Variants in LAMB2 observed in about 807,000 individuals in gnomAD.
LAMB2 encodes the protein laminin subunit beta-2.
Under a neutral mutation model 202.7 loss-of-function variants are expected in LAMB2, and 119 were observed. The ratio of observed to expected loss-of-function variants is 0.59; its 90% confidence interval spans 0.51 to 0.68. The LOEUF (loss-of-function observed/expected upper bound fraction) is 0.68. LAMB2 is among the 30% of genes least tolerant of loss of function. The probability of loss-of-function intolerance (pLI) is 0.00; values close to 1 mark genes in which losing one functional copy is unlikely to be tolerated. For missense variants in LAMB2, 2,124 were observed against 2,410.6 expected (o/e 0.88, Z 2.49); for synonymous variants, 818 against 902.2 (o/e 0.91, Z 1.67).
At position 49,132,483 on chromosome 3, in the gene LAMB2, A is replaced by T. The variant is rs747849098; in HGVS notation, c.249+8T>A. ...TGACTCGGCGTCACACCCTGTCCCC[A>T]GCCACACCTGCAGGTGACTGACGAT... On this transcript the variant is annotated splice_region_variant and intron_variant, in intron 2 of 31. Transcript: ENST00000305544. This position sits in a 1 kb window ranked among gnomAD's most constrained non-coding sequence, Gnocchi z 4.6. 16 of 1,613,928 alleles carry T rather than the reference A, an allele frequency of 9.9e-6. No individual in the cohort carries two copies. The highest frequency in any genetic ancestry group is 1.4e-5 in the Non-Finnish European group (16 of 1,180,010).
Position 49,126,426 on chromosome 3 carries a change from C to T in LAMB2, c.2090G>A (p.Arg697Gln), listed in dbSNP as rs764642268. 23 of 1,614,028 alleles carry T rather than the reference C, an allele frequency of 1.4e-5. No individual in the cohort carries two copies. Among genetic ancestry groups the T allele is most frequent in the Middle Eastern group, 1.6e-4 (1 of 6,084 alleles). Residue 697 changes from arginine (R) to glutamine (Q), a missense_variant, in exon 16 of 32, where the codon CGG (arginine) becomes CAG (glutamine). Coordinates refer to ENST00000305544, the MANE Select transcript of LAMB2 (RefSeq NM_002292.4). ...ISYKLHLKLV[R>Q]TGGSAQPETP... ...CTCAGGCTGGGCACTTCCCCCTGTCCGTACCAGCTTCAGATGCAGCTTGTA... is the reference window on the plus strand; with the variant it reads ...CTCAGGCTGGGCACTTCCCCCTGTCTGTACCAGCTTCAGATGCAGCTTGTA...
Position 49,131,934 on chromosome 3 carries a change from C to A in LAMB2, c.459+182G>T, listed in dbSNP as rs1280924156. 1.3e-5 allele frequency among the ~76,000 whole-genome samples: 2 copies of A among 152,198 alleles called. No homozygotes were observed. The highest frequency in any genetic ancestry group is 2.4e-5 in the African/African-American group (1 of 41,502). On this transcript the variant is annotated intron_variant, in intron 4 of 31. Transcript: ENST00000305544. The surrounding 1 kb of genome is among the most constrained non-coding windows in gnomAD (Gnocchi z 5.0). ...CTCAGGGAGACAGCGCCTGACCCAG[C>A]CTGGGATTGGAAAGGCAGAAGAGCA...
At position 49,129,745 on chromosome 3, in the gene LAMB2, TG is replaced by T; in HGVS notation, c.1406-30del. Reference sequence around the variant, plus strand: ...CAGGGAAGGAGAACCATCAGCACTTTGGGAAACTGTGGCAGTGCTCATGTTC... The same window carrying T: ...CAGGGAAGGAGAACCATCAGCACTTTGGAAACTGTGGCAGTGCTCATGTTC... On this transcript the variant is annotated intron_variant, in intron 10 of 31. Transcript: ENST00000305544. The surrounding 1 kb of genome is among the most constrained non-coding windows in gnomAD (Gnocchi z 6.1). 2 of 1,609,212 alleles carry T rather than the reference TG, an allele frequency of 1.2e-6. No individual in the cohort carries two copies. The highest frequency in any genetic ancestry group is 8.5e-7 in the Non-Finnish European group (1 of 1,175,666).
In LAMB2 at chr3:49,121,578, A is replaced by G. The variant is rs28612476; in HGVS notation, c.5115T>C (p.Pro1705=). ...AQEAEQLLRG[P]LGDQYQTVKA... is the part of the protein sequence containing the mutation. ...TCACCGTCTGGTACTGATCACCCAGAGGACCGCGTAGCAGCTGCAGATGTA... is the reference window on the plus strand; with the variant it reads ...TCACCGTCTGGTACTGATCACCCAGGGGACCGCGTAGCAGCTGCAGATGTA... The change falls in exon 31 of 32, where the codon CCT becomes CCC. Residue 1705 remains proline (P), a synonymous_variant. Coordinates refer to ENST00000305544, the MANE Select transcript of LAMB2 (RefSeq NM_002292.4). 1.1e-5 allele frequency: 17 copies of G among 1,613,856 alleles called. No homozygotes were observed. The Admixed American group carries it at 2.7e-4, about 25-fold the overall frequency.
Position 49,121,695 on chromosome 3 carries a change from C to A in LAMB2, c.5089G>T (p.Glu1697Ter), listed in dbSNP as rs750136830. Reference protein sequence around the residue: ...TAGSAQGRAQEAEQLLRGPLG... With the variant: ...TAGSAQGRAQ ...CTGCCTCAACCCACCTGCTCAGCCT[C>A]CTGGGCACGACCCTGGGCACTGCCT... Residue 1697 changes from glutamate to a stop codon, truncating the protein, a stop_gained, in exon 30 of 32, where the codon GAG (glutamate) becomes TAG (stop). Coordinates refer to ENST00000305544, the MANE Select transcript of LAMB2 (RefSeq NM_002292.4). LOFTEE classifies it high-confidence loss of function. The A allele has an allele frequency of 6.2e-7, 1 of 1,614,104 alleles. No individual in the cohort carries two copies. The highest frequency in any genetic ancestry group is 8.5e-7 in the Non-Finnish European group (1 of 1,180,032).
At chr3:49,125,511 A>G (rs2107639729) in intron 18 of LAMB2, 27 bp from the exon 19 acceptor site, 2 of 1,472,786 alleles carry the variant, frequency 1.4e-6, no homozygotes, top group East Asian at 5.0e-5. Context: ...GCTGAGCCAG[A>G]GCCAGGGGAG....
At position 49,131,353 on chromosome 3, in the gene LAMB2, C is replaced by A. The variant is rs531972073; in HGVS notation, c.712+26G>T. The A allele has an allele frequency of 1.2e-6, 2 of 1,611,688 alleles. No individual in the cohort carries two copies. The highest frequency in any genetic ancestry group is 2.2e-5 in the South Asian group (2 of 90,998). ...AGTCCCTAGCCGGACACGGACTGTG[C>A]CAGACTCAAAGGGTGGAGCACTCAC... is the stretch of plus-strand genomic sequence containing the variant. On this transcript the variant is annotated intron_variant, in intron 6 of 31. Transcript: ENST00000305544. This position sits in a 1 kb window ranked among gnomAD's most constrained non-coding sequence, Gnocchi z 5.0.
chr3:49,122,988 T>G lies in LAMB2; in HGVS notation c.4289A>C (p.Asp1430Ala). Reference sequence around the variant, plus strand: ...CCCACAGCGCGGCTGCCCATCCTCATCTCGACAGCCGGCACCCCCACAAGG... The same window carrying G: ...CCCACAGCGCGGCTGCCCATCCTCAGCTCGACAGCCGGCACCCCCACAAGG... ...TSPCGGAGCR[D>A]EDGQPRCGGL... The change falls in exon 27 of 32, where the codon GAT becomes GCT. Residue 1430 changes from aspartate (D) to alanine (A), a missense_variant. Physicochemically the swap from Asp to Ala is moderately radical, Grantham distance 126. Transcript: ENST00000305544. The G allele has an allele frequency of 6.2e-7, 1 of 1,608,852 alleles. No individual in the cohort carries two copies. Among genetic ancestry groups the G allele is most frequent in the Non-Finnish European group, 8.5e-7 (1 of 1,179,932 alleles).
rs2045445052 is a variant in LAMB2, at chr3:49,128,521, C to A, written c.1955G>T (p.Ser652Ile). ...CTTGGGCACCAAATGCCCACACAGG[C>A]TGTGGGCAGGCACAGGCCCTGGACG... The part of the protein sequence containing the change: ...VQRPGPVPAH[S>I]LCGHLVPKDD... The change falls in exon 15 of 32, where the codon AGC becomes ATC. Residue 652 changes from serine to isoleucine, a missense_variant. Coordinates refer to ENST00000305544, the MANE Select transcript of LAMB2 (RefSeq NM_002292.4). The A allele has an allele frequency of 6.2e-7, 1 of 1,614,174 alleles. No individual in the cohort carries two copies. Among genetic ancestry groups the A allele is most frequent in the East Asian group, 2.2e-5 (1 of 44,888 alleles).
At position 49,130,984 on chromosome 3, in the gene LAMB2, G is replaced by T. The variant is rs536441871; in HGVS notation, c.881C>A (p.Pro294His). The change falls in exon 7 of 32, where the codon CCC becomes CAC. Residue 294 changes from proline to histidine, a missense_variant. This residue lies in a region of LAMB2 where 256 missense variants were observed against 356.1 expected (regional missense o/e 0.72). Transcript: ENST00000305544. This position sits in a 1 kb window ranked among gnomAD's most constrained non-coding sequence, Gnocchi z 5.0. ...AGCATGGGCTGGTGCCCCTGGGGCG[G>T]GTGCACACTCTGAGGCGTGTCCGTA... ...FCYGHASECA[P>H]APGAPAHAEG... 6.2e-7 allele frequency: 1 copy of T among 1,614,076 alleles called. No homozygotes were observed. Among genetic ancestry groups the T allele is most frequent in the South Asian group, 1.1e-5 (1 of 91,090 alleles).
chr3:49,132,466 C>A lies in LAMB2; in HGVS notation c.249+25G>T, dbSNP rs202236477. 16 of 1,613,950 alleles carry A rather than the reference C, an allele frequency of 9.9e-6. No homozygotes were observed. The East Asian group carries it at 1.1e-4, about 11-fold the overall frequency. Reference sequence around the variant, plus strand: ...CAGTGCCAGCCCCACCCTGACTCGGCGTCACACCCTGTCCCCAGCCACACC... The same window carrying A: ...CAGTGCCAGCCCCACCCTGACTCGGAGTCACACCCTGTCCCCAGCCACACC... On this transcript the variant is annotated intron_variant, in intron 2 of 31. Transcript: ENST00000305544. This position sits in a 1 kb window ranked among gnomAD's most constrained non-coding sequence, Gnocchi z 4.6.
In LAMB2 at chr3:49,129,316, G is replaced by T. The variant is rs2045456861; in HGVS notation, c.1527C>A (p.His509Gln). Reference sequence around the variant, plus strand: ...CGAGCAGGTCGTGGCTCAGGCCCCAGTGGCCAGGCTGCACGAAAGGAGTTG... The same window carrying T: ...CGAGCAGGTCGTGGCTCAGGCCCCATTGGCCAGGCTGCACGAAAGGAGTTG... The part of the protein sequence containing the change: ...GRGCDRCLPG[H>Q]WGLSHDLLGC... The change falls in exon 12 of 32, where the codon CAC (histidine) becomes CAA (glutamine). Residue 509 changes from histidine (H) to glutamine (Q), a missense_variant. By Grantham distance (24) the His-to-Gln change is conservative (BLOSUM62 0). Around this residue, in one of 3 missense-constraint regions of LAMB2, gnomAD observed 1,702 missense variants for 1,896.3 expected, o/e 0.90. Transcript: ENST00000305544. The surrounding 1 kb of genome is among the most constrained non-coding windows in gnomAD (Gnocchi z 6.1). The T allele has an allele frequency of 6.2e-7, 1 of 1,612,470 alleles. No individual in the cohort carries two copies. Among genetic ancestry groups the T allele is most frequent in the African/African-American group, 1.3e-5 (1 of 74,914 alleles).
chr3:49,129,853 C>A lies in LAMB2; in HGVS notation c.1391G>T (p.Arg464Leu). 1.2e-6 allele frequency: 2 copies of A among 1,613,868 alleles called. No individual in the cohort carries two copies. Among genetic ancestry groups the A allele is most frequent in the Non-Finnish European group, 8.5e-7 (1 of 1,180,044 alleles). The stretch of plus-strand genomic sequence containing the variant: ...GAGACACATACGCCGGCAGCCCAGA[C>A]GGTCACTGATGCTGAGCCCAAAGAA... ...DGFFGLSISD[R>L]LGCRRCQCNA... Residue 464 changes from arginine to leucine, a missense_variant, in exon 10 of 32, where the codon CGT becomes CTT. By Grantham distance (102) the Arg-to-Leu change is moderately radical. Around this residue, in one of 3 missense-constraint regions of LAMB2, gnomAD observed 1,702 missense variants for 1,896.3 expected, o/e 0.90. Coordinates refer to ENST00000305544, the MANE Select transcript of LAMB2 (RefSeq NM_002292.4). This position sits in a 1 kb window ranked among gnomAD's most constrained non-coding sequence, Gnocchi z 6.1.
chr3:49,122,827 C>T lies in LAMB2; in HGVS notation c.4450G>A (p.Ala1484Thr). 1.2e-6 allele frequency: 2 copies of T among 1,613,270 alleles called. No homozygotes were observed. Among genetic ancestry groups the T allele is most frequent in the South Asian group, 2.2e-5 (2 of 91,084 alleles). Reference protein sequence around the residue: ...LSRVAETRRQASEAQQRAQAA... With the variant: ...LSRVAETRRQTSEAQQRAQAA... ...TGGGCCCGCTGCTGTGCCTCGCTTG[C>T]CTGCCGACGAGTCTCAGCCACTCTG... Residue 1484 changes from alanine (A) to threonine (T), a missense_variant, in exon 27 of 32, where the codon GCA (alanine) becomes ACA (threonine). Physicochemically the swap from Ala to Thr is moderately conservative, Grantham distance 58. Around this residue, in one of 3 missense-constraint regions of LAMB2, gnomAD observed 1,702 missense variants for 1,896.3 expected, o/e 0.90. Coordinates refer to ENST00000305544, the MANE Select transcript of LAMB2 (RefSeq NM_002292.4).
At position 49,126,126 on chromosome 3, in the gene LAMB2, T is replaced by A. The variant is rs924605921; in HGVS notation, c.2185A>T (p.Met729Leu). ...VLLPRVLVLE[M>L]FSGGDAAALE... Reference sequence around the variant, plus strand: ...GCAGCAGCATCACCCCCACTAAACATCTCTAGCACCAGGACACGGGGCAGC... The same window carrying A: ...GCAGCAGCATCACCCCCACTAAACAACTCTAGCACCAGGACACGGGGCAGC... Residue 729 changes from methionine (M) to leucine (L), a missense_variant, in exon 17 of 32, where the codon ATG becomes TTG. Coordinates refer to ENST00000305544, the MANE Select transcript of LAMB2 (RefSeq NM_002292.4). 6.2e-7 allele frequency: 1 copy of A among 1,613,232 alleles called. No homozygotes were observed. The highest frequency in any genetic ancestry group is 1.1e-5 in the South Asian group (1 of 91,068).
chr3:49,121,582 C>A lies in LAMB2; in HGVS notation c.5111G>T (p.Gly1704Val). 1 of 1,613,976 alleles carries A rather than the reference C, an allele frequency of 6.2e-7. No individual in the cohort carries two copies. The highest frequency in any genetic ancestry group is 1.1e-5 in the South Asian group (1 of 91,092). ...RAQEAEQLLRGPLGDQYQTVK... is the reference protein window; with the variant it reads ...RAQEAEQLLRVPLGDQYQTVK... ...CGTCTGGTACTGATCACCCAGAGGA[C>A]CGCGTAGCAGCTGCAGATGTAGAGG... Residue 1704 changes from glycine to valine, a missense_variant, in exon 31 of 32, where the codon GGT (glycine) becomes GTT (valine). Physicochemically the swap from Gly to Val is moderately radical, Grantham distance 109. This residue lies in a region of LAMB2 where 1,702 missense variants were observed against 1,896.3 expected (regional missense o/e 0.90). Transcript: ENST00000305544.
Position 49,123,981 on chromosome 3 carries a change from C to T in LAMB2, c.3544G>A (p.Gly1182Arg). Residue 1182 changes from glycine (G) to arginine (R), a missense_variant, in exon 24 of 32, where the codon GGA (glycine) becomes AGA (arginine). Physicochemically the swap from Gly to Arg is moderately radical, Grantham distance 125. This residue lies in a region of LAMB2 where 1,702 missense variants were observed against 1,896.3 expected (regional missense o/e 0.90). Coordinates refer to ENST00000305544, the MANE Select transcript of LAMB2 (RefSeq NM_002292.4). ...RCDQCARGFS[G>R]IFPACHPCHA... The stretch of plus-strand genomic sequence containing the variant: ...CAGGGATGGCAGGCAGGAAAGATTC[C>T]TGAGAAGCCACGGGCACACTGGTCA... 2.5e-6 allele frequency: 4 copies of T among 1,613,470 alleles called. No homozygotes were observed. Among genetic ancestry groups the T allele is most frequent in the Non-Finnish European group, 2.5e-6 (3 of 1,180,024 alleles).
rs561167901 is a variant in LAMB2 at position 49,123,941 on chromosome 3, C to T, written c.3584G>A (p.Gly1195Glu). ...PACHPCHACF[G>E]DWDRVVQDLA... ...GTCCTGCACCACTCGGTCCCAATCCCCGAAGCATGCATGGCAGGGATGGCA... is the reference window on the plus strand; with the variant it reads ...GTCCTGCACCACTCGGTCCCAATCCTCGAAGCATGCATGGCAGGGATGGCA... Residue 1195 changes from glycine to glutamate, a missense_variant, in exon 24 of 32, where the codon GGG becomes GAG. Coordinates refer to ENST00000305544, the MANE Select transcript of LAMB2 (RefSeq NM_002292.4). The T allele has an allele frequency of 3.7e-6, 6 of 1,613,412 alleles. No individual in the cohort carries two copies. The South Asian group carries it at 6.6e-5, about 18-fold the overall frequency.
rs1575528672 is a variant in LAMB2, at chr3:49,122,237, C to T, written c.4707G>A (p.Val1569=). The T allele has an allele frequency of 6.2e-7, 1 of 1,613,500 alleles. No individual in the cohort carries two copies. The highest frequency in any genetic ancestry group is 8.5e-7 in the Non-Finnish European group (1 of 1,180,044). Reference sequence around the variant, plus strand: ...CTACAGTACGTGCCAGGATCGCATCCACATCTGCCAGGCTCCGGACTCGCT... The same window carrying T: ...CTACAGTACGTGCCAGGATCGCATCTACATCTGCCAGGCTCCGGACTCGCT... The part of the protein sequence containing the change: ...IAERVRSLAD[V]DAILARTVGD... The change falls in exon 28 of 32, where the codon GTG becomes GTA. Residue 1569 remains valine (V), a synonymous_variant. Coordinates refer to ENST00000305544, the MANE Select transcript of LAMB2 (RefSeq NM_002292.4).
Sources: gnomAD v4.1 joint callset for allele counts (sites outside exome capture counted in the v4.1 genomes callset) on GRCh38, gnomAD v4.1.1 for gene constraint, gnomAD v4.1.1 regional missense constraint, Gnocchi (gnomAD v3.1) non-coding constraint, MANE v1.5 for transcripts, NCBI Gene and HGNC (gene_info 2026-07-23, HGNC 2026-07-21) for gene names.